EIF2AK3: variants seen among roughly 807,000 people sequenced by gnomAD.
EIF2AK3 encodes the protein eukaryotic translation initiation factor 2 alpha kinase 3, also known as eukaryotic translation initiation factor 2-alpha kinase 3.
A neutral mutation model predicts 113.5 loss-of-function variants in EIF2AK3; 50 were observed. The observed-to-expected ratio is 0.44, with a 90% CI of 0.35 to 0.56. The LOEUF (loss-of-function observed/expected upper bound fraction) is 0.56. Ranked by LOEUF, EIF2AK3 falls within the 20% of genes least tolerant of loss-of-function variation. The pLI, the probability that EIF2AK3 is intolerant of heterozygous loss-of-function variation, is 0.00. For missense variants in EIF2AK3, 1,185 were observed against 1,378.0 expected, an observed-to-expected ratio of 0.86 and a Z score of 2.22; for synonymous variants, 448 against 495.4, an observed-to-expected ratio of 0.90 and a Z score of 1.27.
chr2:88,587,300 C>G (rs1674762321), intron 8 of EIF2AK3, among the ~76,000 whole-genome samples: 1 of 149,234 alleles, frequency 6.7e-6, no homozygotes, highest in Admixed American at 6.7e-5. Context: ...TAATAACTTT[C>G]CAGTGCTAAC....
chr2:88,625,426 C>A (rs1252196253), intron 1 of EIF2AK3, among the ~76,000 whole-genome samples: 7 of 152,218 alleles, frequency 4.6e-5, no homozygotes. Context: ...CAATTTTACC[C>A]ATTTTTCAGG....
intron 1 of EIF2AK3, among the ~76,000 whole-genome samples, chr2:88,620,965 C>G (rs1232036601): frequency 6.6e-6 from 1 of 152,170 alleles, no homozygotes; most frequent in East Asian, 1.9e-4. Flanking sequence ...CTACACAAAA[C>G]AATCACCACC....
chr2:88,626,799 G>A (rs1675871516), intron 1 of EIF2AK3, among the ~76,000 whole-genome samples, 168 bp downstream of exon 1: 1 of 152,244 alleles, frequency 6.6e-6, no homozygotes, highest in African/African-American at 2.4e-5. Flanking sequence ...TCGCTGGCCG[G>A]GGGATGGGAG....
chr2:88,614,389 C>G (rs1675523785), intron 1 of EIF2AK3, among the ~76,000 whole-genome samples: 1 of 152,164 alleles, frequency 6.6e-6, no homozygotes, highest in African/African-American at 2.4e-5. Context: ...TTGTCCCTTA[C>G]CCCTCCTAGT....
rs1409927348 is a variant in EIF2AK3, at chr2:88,627,104, C to T, written c.171G>A (p.Thr57=). 6.5e-7 allele frequency: 1 copy of T among 1,539,590 alleles called. No homozygotes were observed. Among genetic ancestry groups the T allele is most frequent in the Non-Finnish European group, 8.7e-7 (1 of 1,150,784 alleles). Residue 57 remains threonine (T), a synonymous_variant, in exon 1 of 17, where the codon ACG becomes ACA. Coordinates refer to ENST00000303236, the MANE Select transcript of EIF2AK3 (RefSeq NM_004836.7). ...CCACGGCGCCCGCCGCCGGTACTCGCGTCGCTGAGGTGGGAGCAGCGGCCG... is the reference window on the plus strand; with the variant it reads ...CCACGGCGCCCGCCGCCGGTACTCGTGTCGCTGAGGTGGGAGCAGCGGCCG... The part of the protein sequence containing the change: ...LGAAAAPTSA[T]RVPAAGAVAA...
At chr2:88,584,561 T>C (rs1485640646) in intron 9 of EIF2AK3, among the ~76,000 whole-genome samples, 3 of 143,688 alleles carry the variant, frequency 2.1e-5, no homozygotes, top group Non-Finnish European at 3.0e-5. Flanking sequence ...ATGTACAGTC[T>C]AGAGGTAGAG....
Position 88,557,650 on chromosome 2 carries a change from T to TTCAAG in EIF2AK3, c.*81_*85dup. On this transcript the variant is annotated 3_prime_UTR_variant, in exon 17 of 17. Coordinates refer to ENST00000303236, the MANE Select transcript of EIF2AK3 (RefSeq NM_004836.7). Reference sequence around the variant, plus strand: ...AAAAAATTGAGCGAAGAACAAACTTTTCAAGTCTGCAATTTTGGACAGGCA... The same window carrying TTCAAG: ...AAAAAATTGAGCGAAGAACAAACTTTTCAAGTCAAGTCTGCAATTTTGGACAGGCA... The TTCAAG allele has an allele frequency of 6.8e-7, 1 of 1,461,282 alleles. No homozygotes were observed. The highest frequency in any genetic ancestry group is 9.6e-7 in the Non-Finnish European group (1 of 1,041,688). 90.5% of individuals were successfully genotyped at this position (1,461,282 alleles called of 1,614,324 possible).
At chr2:88,615,182 A>C (rs1675539307) in intron 1 of EIF2AK3, among the ~76,000 whole-genome samples, 2 of 152,188 alleles carry the variant, frequency 1.3e-5, no homozygotes, top group South Asian at 4.1e-4. Flanking sequence ...CCCTCCTGTT[A>C]GTGCAAGTGA....
At chr2:88,562,251 T>A in intron 15 of EIF2AK3, 38 bp downstream of exon 15, 4 of 1,532,360 alleles carry the variant, frequency 2.6e-6, no homozygotes, top group Non-Finnish European at 3.6e-6. Flanking sequence ...GATTATTTTC[T>A]GTTTGAAACT....
At chr2:88,573,206 AAACT>A (rs1374656964) in intron 13 of EIF2AK3, among the ~76,000 whole-genome samples, 15 of 152,300 alleles carry the variant, frequency 9.8e-5, no homozygotes, top group South Asian at 4.1e-4. Flanking sequence ...ATTTCTAGAA[AAACT>A]AACAGGAATA....
chr2:88,620,189 A>C (rs867014), intron 1 of EIF2AK3, among the ~76,000 whole-genome samples: 38,632 of 152,006 alleles, frequency 0.25, 5,419 homozygotes, highest in East Asian at 0.32. Flanking sequence ...TGTGGCACAT[A>C]AAGCCTTTCA....
chr2:88,604,600 CCTTAT>C (rs1230496960), intron 2 of EIF2AK3, among the ~76,000 whole-genome samples: 2 of 152,142 alleles, frequency 1.3e-5, no homozygotes, highest in African/African-American at 2.4e-5. Context: ...CCACACAGTA[CCTTAT>C]AAGTTCTAGA....
chr2:88,582,137 AAC>A (rs1558651325), intron 10 of EIF2AK3, among the ~76,000 whole-genome samples: 9 of 152,122 alleles, frequency 5.9e-5, no homozygotes, highest in Non-Finnish European at 1.2e-4. Flanking sequence ...AAGGGAGAGG[AAC>A]ACTTCCACCA....
At chr2:88,562,077 C>T (rs1279734917) in intron 15 of EIF2AK3, among the ~76,000 whole-genome samples, 1 of 150,056 alleles carries the variant, frequency 6.7e-6, no homozygotes, top group Admixed American at 6.6e-5. Context: ...AAACTAAGAA[C>T]AAACAATCTA....
intron 1 of EIF2AK3, among the ~76,000 whole-genome samples, chr2:88,622,488 G>A (rs900544478): frequency 6.6e-5 from 10 of 152,170 alleles, no homozygotes; most frequent in African/African-American, 2.4e-4. Context: ...ATGAATGCAG[G>A]GACCTGAGAT....
chr2:88,568,095 G>A (rs545081617), intron 14 of EIF2AK3, among the ~76,000 whole-genome samples: 185 of 152,216 alleles, frequency 1.2e-3, no homozygotes, highest in Middle Eastern at 6.8e-3. Context: ...TTGCAAAAAA[G>A]AAACACTTGA....
intron 14 of EIF2AK3, among the ~76,000 whole-genome samples, chr2:88,565,224 C>T (rs769149823): frequency 1.5e-4 from 22 of 151,542 alleles, no homozygotes; most frequent in Admixed American, 6.6e-4. Context: ...TCAGTAGAGA[C>T]GGGGTTTCAC....
intron 15 of EIF2AK3, among the ~76,000 whole-genome samples, chr2:88,559,510 CTGTGTGTGTG>C (rs141821640): frequency 2.1e-4 from 29 of 141,330 alleles, no homozygotes; most frequent in African/African-American, 4.8e-4. Context: ...ACCAAGATGA[CTGTGTGTGTG>C]TGTGTGTGTG....
intron 2 of EIF2AK3, among the ~76,000 whole-genome samples, chr2:88,598,792 T>C (rs1343783689): frequency 1.3e-5 from 2 of 152,202 alleles, no homozygotes; most frequent in Non-Finnish European, 2.9e-5. Context: ...TTGATAATGC[T>C]TATAACTTTT....
Sources: gnomAD v4.1 joint callset for allele counts (sites outside exome capture counted in the v4.1 genomes callset) on GRCh38, gnomAD v4.1.1 for gene constraint, MANE v1.5 for transcripts, NCBI Gene and HGNC (gene_info 2026-07-23, HGNC 2026-07-21) for gene names.